Variants in HIRA observed in about 807,000 individuals in gnomAD.
HIRA encodes the protein protein HIRA.
In HIRA, 13 loss-of-function variants were observed where a neutral mutation model predicts 126.6. The ratio of observed to expected loss-of-function variants is 0.10; its 90% CI spans 0.07 to 0.16. HIRA has a LOEUF of 0.16. Ranked by LOEUF, HIRA falls within the 10% of genes least tolerant of loss-of-function variation. The probability of loss-of-function intolerance (pLI) is 1.00; values close to 1 mark genes in which losing one functional copy is unlikely to be tolerated. For synonymous variants in HIRA, 511 were observed against 520.0 expected (o/e 0.98, Z 0.24); for missense variants, 834 against 1,314.4 (o/e 0.63, Z 5.65).
At chr22:19,367,713 A>G (rs1480969101) in intron 15 of HIRA, among the ~76,000 whole-genome samples, 1 of 152,178 alleles carries the variant, frequency 6.6e-6, no homozygotes, top group Non-Finnish European at 1.5e-5. Flanking sequence ...TCACGTATAC[A>G]TAGTACAATG....
At chr22:19,341,263 C>A (rs1377937337) in intron 24 of HIRA, among the ~76,000 whole-genome samples, 2 of 151,956 alleles carry the variant, frequency 1.3e-5, no homozygotes, top group African/African-American at 4.8e-5. Flanking sequence ...CCAGCCTAGA[C>A]AACATGGTGA....
At position 19,387,633 on chromosome 22, in the gene HIRA, G is replaced by A. The variant is rs1203914868; in HGVS notation, c.1113+78C>T. 8.4e-6 allele frequency: 8 copies of A among 956,298 alleles called. No homozygotes were observed. In the East Asian group the frequency reaches 1.3e-4, roughly 15 times the overall value. The allele number at this position is 956,298 out of a possible 1,614,324, so 59.2% of individuals were successfully genotyped here. A position where few individuals can be genotyped will look rare whatever the true frequency, so the allele number is the denominator to read the frequency against. On this transcript the variant is annotated intron_variant, in intron 11 of 24. Transcript: ENST00000263208. ...TGTCTGTGTATCTCACAAGAAGAGG[G>A]TGTAGTCAAAGGGGTCTCTCAGAGC...
chr22:19,407,473 A>T (rs1301321587), intron 3 of HIRA, among the ~76,000 whole-genome samples, 199 bp from the exon 4 acceptor site: 1 of 152,232 alleles, frequency 6.6e-6, no homozygotes, highest in East Asian at 1.9e-4. Flanking sequence ...TTACCAGAAC[A>T]GTCTGGAGGG....
intron 14 of HIRA, among the ~76,000 whole-genome samples, chr22:19,377,074 C>T (rs375158153): frequency 6.6e-6 from 1 of 152,210 alleles, no homozygotes; most frequent in Non-Finnish European, 1.5e-5. Context: ...GCCCCTAATC[C>T]CCAGGCCTCA....
Position 19,388,515 on chromosome 22 carries a change from G to C in HIRA, c.976C>G (p.Leu326Val). The change falls in exon 10 of 25, where the codon CTG becomes GTG. Residue 326 changes from leucine (L) to valine (V), a missense_variant. Leu to Val is a conservative substitution (Grantham distance 32). Around this residue, in one of 5 missense-constraint regions of HIRA, gnomAD observed 153 missense variants for 270.6 expected, o/e 0.57. Transcript: ENST00000263208. The stretch of plus-strand genomic sequence containing the variant: ...ATATCCATGATGGATTTGTCAAACA[G>C]TTCATGGATGACCACCAGCGGCCGT... ...LKRPLVVIHE[L>V]FDKSIMDISW... The C allele has an allele frequency of 6.2e-7, 1 of 1,613,524 alleles. No individual in the cohort carries two copies.
intron 2 of HIRA, among the ~76,000 whole-genome samples, chr22:19,410,393 T>C (rs1312126182): frequency 6.6e-6 from 1 of 152,218 alleles, no homozygotes; most frequent in African/African-American, 2.4e-5. Context: ...CCCTTGTCTC[T>C]GGGGCTGGGC....
intron 5 of HIRA, among the ~76,000 whole-genome samples, chr22:19,401,173 C>T (rs1350622266): frequency 6.6e-6 from 1 of 152,142 alleles, no homozygotes; most frequent in Non-Finnish European, 1.5e-5. Flanking sequence ...TTGCACTTGC[C>T]TAGGCCCCCA....
At chr22:19,399,135 A>G (rs2089246845) in intron 5 of HIRA, 1 of 985,330 alleles carries the variant, frequency 1.0e-6, no homozygotes, top group South Asian at 4.7e-5. Context: ...CTATCCTGCC[A>G]TCAGGGGTGA....
At position 19,337,239 on chromosome 22, in the gene HIRA, A is replaced by G. The variant is rs929677751; in HGVS notation, c.2938-5683T>C. ...ATACCAAAGGTGAAAATCAACTTCA[A>G]GAAATTTTAAAAAATATATAGGATA... On this transcript the variant is annotated intron_variant, in intron 24 of 24. Transcript: ENST00000263208. Among the ~76,000 whole-genome samples the G allele has an allele frequency of 3.3e-5, 5 of 152,090 alleles. No homozygotes were observed. The East Asian group carries it at 9.6e-4, about 29-fold the overall frequency.
At chr22:19,373,927 C>T (rs1034924100) in intron 15 of HIRA, among the ~76,000 whole-genome samples, 1 of 152,160 alleles carries the variant, frequency 6.6e-6, no homozygotes, top group African/African-American at 2.4e-5. Context: ...GCTCACTGCT[C>T]TGGCTTTTTT....
chr22:19,391,567 T>C (rs375996947), intron 9 of HIRA, among the ~76,000 whole-genome samples: 64 of 151,714 alleles, frequency 4.2e-4, no homozygotes, highest in African/African-American at 1.5e-3. Flanking sequence ...CTGCAAGCTC[T>C]GCCTCCCAGG....
rs1227207763 is a variant in HIRA at position 19,351,165 on chromosome 22, G to A, written c.2937+193C>T. 1 of 985,260 alleles carries A rather than the reference G, an allele frequency of 1.0e-6. No homozygotes were observed. Among genetic ancestry groups the A allele is most frequent in the East Asian group, 1.1e-4 (1 of 8,810 alleles). The allele number at this position is 985,260 out of a possible 1,614,324, so 61.0% of individuals were successfully genotyped here. A position where few individuals can be genotyped will look rare whatever the true frequency, so the allele number is the denominator to read the frequency against. On this transcript the variant is annotated intron_variant, in intron 24 of 24. Coordinates refer to ENST00000263208, the MANE Select transcript of HIRA (RefSeq NM_003325.4). This position sits in a 1 kb window ranked among gnomAD's most constrained non-coding sequence, Gnocchi z 4.8. Reference sequence around the variant, plus strand: ...GGCGGAGCACTCCGTGGCTCCTGATGTCCAGGGCCCAGCTCCTGCCAGGTT... The same window carrying A: ...GGCGGAGCACTCCGTGGCTCCTGATATCCAGGGCCCAGCTCCTGCCAGGTT...
intron 1 of HIRA, among the ~76,000 whole-genome samples, chr22:19,415,071 G>A (rs549995900): frequency 3.3e-5 from 5 of 151,960 alleles, no homozygotes; most frequent in Admixed American, 1.3e-4. Context: ...TCAGCCTCCC[G>A]AGTAGCTGGG....
In HIRA at chr22:19,385,493, C is replaced by T. The variant is rs9618555; in HGVS notation, c.1329+28G>A. On this transcript the variant is annotated intron_variant, in intron 12 of 24. Coordinates refer to ENST00000263208, the MANE Select transcript of HIRA (RefSeq NM_003325.4). ...CCTGTCCCTGGGCATATGTCCATGT[C>T]TTTAGCGCCACCAGGCAGGGCTCTC... 1,151 of 1,604,598 alleles carry T rather than the reference C, an allele frequency of 7.2e-4. 2 individuals carry two copies. The African/African-American group carries it at 9.6e-3, about 13-fold the overall frequency.
intron 1 of HIRA, among the ~76,000 whole-genome samples, chr22:19,412,882 C>T (rs2089365372): frequency 6.6e-6 from 1 of 152,184 alleles, no homozygotes; most frequent in Admixed American, 6.5e-5. Flanking sequence ...AGTAAAGATA[C>T]ATAATCATAC....
chr22:19,347,977 TA>T (rs1421363098), intron 24 of HIRA, among the ~76,000 whole-genome samples: 1 of 152,168 alleles, frequency 6.6e-6, no homozygotes, highest in Non-Finnish European at 1.5e-5. Context: ...CTTGAGGGCC[TA>T]GGGGGACCAT....
At chr22:19,385,838 T>A in intron 11 of HIRA, 102 bp from the exon 12 acceptor site, 1 of 1,152,670 alleles carries the variant, frequency 8.7e-7, no homozygotes, top group Non-Finnish European at 1.2e-6. Context: ...TGGCTCTGAG[T>A]GGAGAAGGGA....
At chr22:19,395,000 CTT>C (rs1445122297) in intron 7 of HIRA, among the ~76,000 whole-genome samples, 1 of 152,234 alleles carries the variant, frequency 6.6e-6, no homozygotes, top group Non-Finnish European at 1.5e-5. Context: ...CACCTACTCT[CTT>C]GAGCCTGTTG....
At chr22:19,366,278 C>T (rs1345084413) in intron 15 of HIRA, among the ~76,000 whole-genome samples, 8 of 151,686 alleles carry the variant, frequency 5.3e-5, no homozygotes, top group African/African-American at 7.3e-5. Flanking sequence ...AGGAGAATGG[C>T]GTGAACCCGG....
Sources: gnomAD v4.1 joint callset for allele counts (sites outside exome capture counted in the v4.1 genomes callset) on GRCh38, gnomAD v4.1.1 for gene constraint, gnomAD v4.1.1 regional missense constraint, Gnocchi (gnomAD v3.1) non-coding constraint, MANE v1.5 for transcripts, NCBI Gene and HGNC (gene_info 2026-07-23, HGNC 2026-07-21) for gene names.